The following SNX29 variants were observed in gnomAD, a reference collection of about 807,000 sequenced individuals.
SNX29 encodes sorting nexin-29.
SNX29 carries 78 observed loss-of-function variants against 102.1 expected under a neutral mutation model. That is an observed-to-expected ratio of 0.76 (90% CI 0.64 to 0.92). The LOEUF is 0.92. SNX29 is among the 40% of genes least tolerant of loss of function. The pLI, the probability that SNX29 is intolerant of heterozygous loss-of-function variation, is 0.00. For missense variants in SNX29, 1,280 were observed against 1,061.7 expected (o/e 1.21, Z -2.86); for synonymous variants, 580 against 414.5 (o/e 1.40, Z -4.85).
intron 15 of SNX29, among the ~76,000 whole-genome samples, chr16:12,333,906 C>T (rs1339702337): frequency 6.6e-6 from 1 of 152,148 alleles, no homozygotes; most frequent in Non-Finnish European, 1.5e-5. Flanking sequence ...CAGGCAGATG[C>T]ATCCCGCGTT....
At chr16:12,135,371 C>T (rs1293875809) in intron 13 of SNX29, among the ~76,000 whole-genome samples, 1 of 152,242 alleles carries the variant, frequency 6.6e-6, no homozygotes, top group Non-Finnish European at 1.5e-5. Flanking sequence ...GGGGCTGTCC[C>T]TGCCCTCTGC....
chr16:12,428,702 G>A (rs555585948), intron 18 of SNX29, among the ~76,000 whole-genome samples: 1 of 152,244 alleles, frequency 6.6e-6, no homozygotes, highest in East Asian at 1.9e-4. Context: ...AGATACGATT[G>A]CAATTAATAT....
At chr16:12,145,308 T>G (rs1223393778) in intron 13 of SNX29, among the ~76,000 whole-genome samples, 1 of 152,212 alleles carries the variant, frequency 6.6e-6, no homozygotes, top group Non-Finnish European at 1.5e-5. Context: ...ATTTCCATTC[T>G]TAGTCCACTT....
intron 1 of SNX29, among the ~76,000 whole-genome samples, chr16:11,994,426 G>GTT (rs1395138930): frequency 6.6e-6 from 1 of 152,230 alleles, no homozygotes; most frequent in East Asian, 1.9e-4. Context: ...GTGGCAAAGT[G>GTT]TTTGCTGAAT....
intron 14 of SNX29, among the ~76,000 whole-genome samples, chr16:12,217,739 A>G (rs1423796490): frequency 1.3e-5 from 2 of 152,172 alleles, no homozygotes; most frequent in African/African-American, 4.8e-5. Flanking sequence ...TCTGCTATTG[A>G]TCAGTGCCAA....
chr16:12,087,410 C>T (rs1596828571), intron 11 of SNX29: 2 of 180,006 alleles, frequency 1.1e-5, no homozygotes, highest in East Asian at 2.8e-4. Flanking sequence ...GAGTGAGACT[C>T]TATCTCAAAA....
chr16:12,337,580 G>C (rs2081489597), intron 15 of SNX29, among the ~76,000 whole-genome samples: 1 of 152,108 alleles, frequency 6.6e-6, no homozygotes, highest in Non-Finnish European at 1.5e-5. Context: ...GGGTTCAAGC[G>C]ATCCTCCCAC....
intron 11 of SNX29, among the ~76,000 whole-genome samples, chr16:12,107,392 T>C (rs892484408): frequency 5.4e-5 from 8 of 149,366 alleles, no homozygotes; most frequent in African/African-American, 2.0e-4. Context: ...TAAGACCTGG[T>C]GCGGTGGCTG....
intron 15 of SNX29, among the ~76,000 whole-genome samples, chr16:12,340,144 T>C (rs897072145): frequency 1.3e-5 from 2 of 152,216 alleles, no homozygotes; most frequent in Admixed American, 1.3e-4. Flanking sequence ...TTGTTTTCTT[T>C]TTCATCTTTG....
intron 18 of SNX29, among the ~76,000 whole-genome samples, chr16:12,464,229 C>CGT (rs138917966): frequency 3.8e-4 from 54 of 141,040 alleles, no homozygotes; most frequent in Admixed American, 1.1e-3. Flanking sequence ...TATTCCATGG[C>CGT]GTGTGTGTGT....
At chr16:12,367,686 C>T (rs944024741) in intron 16 of SNX29, among the ~76,000 whole-genome samples, 16 of 152,250 alleles carry the variant, frequency 1.1e-4, no homozygotes, top group African/African-American at 3.9e-4. Context: ...CCGGGTGGCA[C>T]TTGCCGCATA....
intron 13 of SNX29, among the ~76,000 whole-genome samples, chr16:12,188,248 G>C (rs1328818666): frequency 6.6e-6 from 1 of 152,130 alleles, no homozygotes; most frequent in Non-Finnish European, 1.5e-5. Flanking sequence ...TTTTAATTCT[G>C]TCTGTAGTTT....
At chr16:12,325,289 A>G (rs1437175901) in intron 15 of SNX29, among the ~76,000 whole-genome samples, 2 of 152,212 alleles carry the variant, frequency 1.3e-5, no homozygotes, top group Non-Finnish European at 2.9e-5. Flanking sequence ...GCATGGTATC[A>G]TAACAGATTT....
At chr16:12,008,926 G>C (rs1346731123) in intron 3 of SNX29, among the ~76,000 whole-genome samples, 1 of 151,636 alleles carries the variant, frequency 6.6e-6, no homozygotes, top group East Asian at 1.9e-4. Flanking sequence ...ATTTTTAGTA[G>C]AGACGGGGTT....
chr16:12,203,707 C>G (rs2076975518), intron 14 of SNX29, among the ~76,000 whole-genome samples: 1 of 152,158 alleles, frequency 6.6e-6, no homozygotes, highest in Non-Finnish European at 1.5e-5. Flanking sequence ...TGCTGTAAGA[C>G]AACCATCCTA....
At chr16:12,519,055 G>A (rs912002880) in intron 19 of SNX29, among the ~76,000 whole-genome samples, 5 of 152,150 alleles carry the variant, frequency 3.3e-5, no homozygotes, top group South Asian at 4.1e-4. Flanking sequence ...GGGGAGTGAC[G>A]GTGCTATGTG....
chr16:12,389,142 C>T (rs1450276950), intron 16 of SNX29, among the ~76,000 whole-genome samples: 1 of 152,170 alleles, frequency 6.6e-6, no homozygotes, highest in Non-Finnish European at 1.5e-5. Flanking sequence ...CTAGCGCGAG[C>T]CAGTTCAGAT....
chr16:12,174,964 G>T (rs1175436896), intron 13 of SNX29, among the ~76,000 whole-genome samples: 1 of 152,046 alleles, frequency 6.6e-6, no homozygotes, highest in Non-Finnish European at 1.5e-5. Context: ...TGTCCCTGAG[G>T]TAAGAGGGCT....
In SNX29 at chr16:12,565,451, T is replaced by G. The variant is rs559027034; in HGVS notation, c.2319-3055T>G. Among the ~76,000 whole-genome samples the G allele has an allele frequency of 6.6e-4, 101 of 152,066 alleles. 1 individual carries two copies. The South Asian group carries it at 0.02, about 30-fold the overall frequency. ...TCCCGTGGCCTCACCTGCCCCCTCC[T>G]CATCCTGGGTTCTCTCAAACCATCA... On this transcript the variant is annotated intron_variant, in intron 20 of 20. Transcript: ENST00000566228.
Sources: allele counts gnomAD v4.1 joint callset (sites outside exome capture counted in the v4.1 genomes callset), GRCh38; gene constraint gnomAD v4.1.1; transcripts MANE v1.5; gene names NCBI Gene and HGNC (gene_info 2026-07-23, HGNC 2026-07-21).